Variants in MCF2L observed in about 807,000 individuals in gnomAD.
MCF2L encodes the protein guanine nucleotide exchange factor DBS.
MCF2L carries 97 observed loss-of-function variants against 153.4 expected under a neutral mutation model. The ratio of observed to expected loss-of-function variants is 0.63; its 90% CI spans 0.54 to 0.75. MCF2L has a LOEUF of 0.75. MCF2L is among the 30% of genes least tolerant of loss of function. The pLI is 0.00. For missense variants in MCF2L, 1,347 were observed against 1,495.2 expected, an observed-to-expected ratio of 0.90 and a Z score of 1.64; for synonymous variants, 659 against 632.2, an observed-to-expected ratio of 1.04 and a Z score of -0.64.
At chr13:113,041,298 C>T (rs1247896582) in intron 3 of MCF2L, among the ~76,000 whole-genome samples, 4 of 152,192 alleles carry the variant, frequency 2.6e-5, no homozygotes, top group Non-Finnish European at 4.4e-5. Flanking sequence ...GGCATAGATC[C>T]GAGCTCCGTG....
chr13:112,960,147 T>C lies in MCF2L; in HGVS notation c.170-54616T>C, dbSNP rs1226633762. Among the ~76,000 whole-genome samples the C allele has an allele frequency of 6.6e-6, 1 of 152,224 alleles. No homozygotes were observed. The highest frequency in any genetic ancestry group is 1.5e-5 in the Non-Finnish European group (1 of 68,040). On this transcript the variant is annotated intron_variant, in intron 2 of 29. Transcript: ENST00000375608. This position sits in a 1 kb window ranked among gnomAD's most constrained non-coding sequence, Gnocchi z 4.2. ...ACAGAGTATCACAGATTGGGTAATT[T>C]ACACACAATGGAAGTTTAGTTGGCT...
At chr13:112,934,472 A>G (rs1026588191) in intron 2 of MCF2L, among the ~76,000 whole-genome samples, 1 of 151,522 alleles carries the variant, frequency 6.6e-6, no homozygotes, top group Non-Finnish European at 1.5e-5. Flanking sequence ...GGCTTGTGCA[A>G]CTCAGACCCC....
At chr13:112,973,459 T>A (rs1387105991) in intron 1 of MCF2L, among the ~76,000 whole-genome samples, 1 of 152,038 alleles carries the variant, frequency 6.6e-6, no homozygotes, top group Non-Finnish European at 1.5e-5. Flanking sequence ...CCGGAGCAGG[T>A]TTTAGAGATT....
At chr13:112,908,070 A>C (rs574864249) in intron 2 of MCF2L, among the ~76,000 whole-genome samples, 1 of 152,272 alleles carries the variant, frequency 6.6e-6, no homozygotes, top group South Asian at 2.1e-4. Context: ...TTTTTTTAAG[A>C]CATGTGTTCA....
intron 1 of MCF2L, chr13:112,902,061 G>T: frequency 1.5e-6 from 1 of 671,390 alleles, no homozygotes. Context: ...AATGAATTTA[G>T]TTTCAAACAT....
chr13:112,997,162 G>A (rs2083174789), intron 1 of MCF2L, among the ~76,000 whole-genome samples: 1 of 152,254 alleles, frequency 6.6e-6, no homozygotes, highest in Non-Finnish European at 1.5e-5. Context: ...CAGACCCAGA[G>A]CCCCAAATTC....
intron 2 of MCF2L, among the ~76,000 whole-genome samples, chr13:112,950,770 A>G (rs533543110): frequency 6.6e-6 from 1 of 152,382 alleles, no homozygotes; most frequent in South Asian, 2.1e-4. Context: ...ATATAAAACT[A>G]TAAAAGTTTT....
chr13:112,955,236 C>A (rs532344322), intron 2 of MCF2L, among the ~76,000 whole-genome samples: 2 of 152,200 alleles, frequency 1.3e-5, no homozygotes, highest in Non-Finnish European at 2.9e-5. Flanking sequence ...AGGCCTCACA[C>A]GTCCTAAACC....
intron 13 of MCF2L, among the ~76,000 whole-genome samples, chr13:113,077,882 C>G (rs1322289993): frequency 5.3e-5 from 8 of 152,344 alleles, no homozygotes; most frequent in Middle Eastern, 3.4e-3. Flanking sequence ...TCTCAGGGGC[C>G]CCGGGGGCCA....
chr13:112,985,352 C>T (rs1282744824), intron 1 of MCF2L: 5 of 468,240 alleles, frequency 1.1e-5, no homozygotes, highest in Non-Finnish European at 1.8e-5. Context: ...CCCAGGGCAG[C>T]GCGCGTCCTC....
At position 112,983,501 on chromosome 13, in the gene MCF2L, C is replaced by T. The variant is rs1311431152; in HGVS notation, c.79+14043C>T. ...AGTCAAGCTCTGTAAATGCGGCACC[C>T]GACGTCTGAGGCCCGCCACGCTGCA... On this transcript the variant is annotated intron_variant, in intron 1 of 29. Transcript: ENST00000535094. This position sits in a 1 kb window ranked among gnomAD's most constrained non-coding sequence, Gnocchi z 4.0. Among the ~76,000 whole-genome samples the T allele has an allele frequency of 2.6e-5, 4 of 152,174 alleles. No homozygotes were observed. The highest frequency in any genetic ancestry group is 1.9e-4 in the East Asian group (1 of 5,190).
intron 12 of MCF2L, among the ~76,000 whole-genome samples, chr13:113,076,770 G>A (rs1362298493): frequency 6.6e-6 from 1 of 152,248 alleles, no homozygotes; most frequent in Non-Finnish European, 1.5e-5. Flanking sequence ...TTGAGACCAG[G>A]CTCCTCCTGA....
Position 113,002,054 on chromosome 13 carries a change from C to T in MCF2L, c.80-12709C>T, listed in dbSNP as rs144359704. ...GGGGCGACAGTGCGGGGACGCCGGGCGGGGGTGGACGTTCTGGGCCCAGCC... is the reference window on the plus strand; with the variant it reads ...GGGGCGACAGTGCGGGGACGCCGGGTGGGGGTGGACGTTCTGGGCCCAGCC... On this transcript the variant is annotated intron_variant, in intron 1 of 29. Transcript: ENST00000535094. 724 of 1,399,492 alleles carry T rather than the reference C, an allele frequency of 5.2e-4. 3 individuals are homozygous for T. The African/African-American group carries it at 9.0e-3, about 17-fold the overall frequency. 86.7% of individuals were successfully genotyped at this position (1,399,492 alleles called of 1,614,324 possible).
chr13:113,008,034 A>C (rs2083831460), intron 1 of MCF2L, among the ~76,000 whole-genome samples: 1 of 151,118 alleles, frequency 6.6e-6, no homozygotes, highest in Non-Finnish European at 1.5e-5. Context: ...CTCCAGCCTC[A>C]GCTTCCTGAG....
rs193251052 is a variant in MCF2L at position 112,996,801 on chromosome 13, G to A, written c.80-17962G>A. On this transcript the variant is annotated intron_variant, in intron 1 of 29. Transcript: ENST00000535094. ...CTCTCCTGAGTCCTGATGGCTGGCAGTGCCGCCCACGGCACCTGGACGGGG... is the reference window on the plus strand; with the variant it reads ...CTCTCCTGAGTCCTGATGGCTGGCAATGCCGCCCACGGCACCTGGACGGGG... Among the ~76,000 whole-genome samples the A allele has an allele frequency of 1.1e-3, 171 of 152,356 alleles. 2 individuals are homozygous for A. The highest frequency in any genetic ancestry group is 0.011 in the Admixed American group (163 of 15,308).
rs117172588 is a variant in MCF2L at position 113,078,881 on chromosome 13, G to A, written c.1808+142G>A. 2.5e-3 allele frequency: 2,020 copies of A among 799,220 alleles called. 7 individuals carry two copies. The highest frequency in any genetic ancestry group is 3.3e-3 in the Non-Finnish European group (1,668 of 506,304). The allele number at this position is 799,220 out of a possible 1,614,324, so 49.5% of individuals were successfully genotyped here. On this transcript the variant is annotated intron_variant, in intron 15 of 29. Coordinates refer to ENST00000535094, the MANE Select transcript of MCF2L (RefSeq NM_001112732.3). ...TGTGGTTCTTACTTTTGCACCAACC[G>A]ATACCCAGAGGGCCTGCCGTGGCTC...
upstream of MCF2L, chr13:112,968,065 A>G (rs543989410): frequency 3.5e-3 from 707 of 204,150 alleles, 6 homozygotes; most frequent in African/African-American, 0.018. Flanking sequence ...TTCCCAAACC[A>G]TTCGTGGAAA....
chr13:112,969,524 G>T lies in MCF2L; in HGVS notation c.79+66G>T. 6.5e-7 allele frequency: 1 copy of T among 1,543,942 alleles called. No individual in the cohort carries two copies. Among genetic ancestry groups the T allele is most frequent in the Non-Finnish European group, 8.8e-7 (1 of 1,142,074 alleles). Reference sequence around the variant, plus strand: ...TTGACATCATGGGCTGAAATGTGGGGAAATGCGTCTGATTTTTGTAAGCCG... The same window carrying T: ...TTGACATCATGGGCTGAAATGTGGGTAAATGCGTCTGATTTTTGTAAGCCG... On this transcript the variant is annotated intron_variant, in intron 1 of 29. Coordinates refer to ENST00000535094, the MANE Select transcript of MCF2L (RefSeq NM_001112732.3). The surrounding 1 kb of genome is among the most constrained non-coding windows in gnomAD (Gnocchi z 4.8).
At chr13:113,040,344 T>C (rs1190656000) in intron 3 of MCF2L, 1 of 151,804 alleles carries the variant, frequency 6.6e-6, no homozygotes, top group East Asian at 1.9e-4. Context: ...GGAAAAGAAC[T>C]TAGGTGCCAC....
Sources: allele counts gnomAD v4.1 joint callset (sites outside exome capture counted in the v4.1 genomes callset), GRCh38; gene constraint gnomAD v4.1.1; non-coding constraint Gnocchi (gnomAD v3.1); transcripts MANE v1.5; gene names NCBI Gene and HGNC (gene_info 2026-07-23, HGNC 2026-07-21).